Variants in DIP2C observed in about 807,000 individuals in gnomAD.
DIP2C encodes the protein disco-interacting protein 2 homolog C.
Under a neutral mutation model 192.4 loss-of-function variants are expected in DIP2C, and 33 were observed. The observed-to-expected ratio is 0.17, with a 90% CI of 0.13 to 0.23. DIP2C has a LOEUF of 0.23. DIP2C is among the 10% of genes least tolerant of loss of function. The pLI is 1.00. For missense variants in DIP2C, 1,537 were observed against 2,110.1 expected, an observed-to-expected ratio of 0.73 and a Z score of 5.32; for synonymous variants, 979 against 864.1, an observed-to-expected ratio of 1.13 and a Z score of -2.33.
At chr10:582,375 AAC>A (rs747197512) in intron 1 of DIP2C, among the ~76,000 whole-genome samples, 56 of 152,208 alleles carry the variant, frequency 3.7e-4, no homozygotes, top group Admixed American at 7.9e-4. Context: ...CTTAACATAA[AAC>A]AGAGTCACAC....
intron 11 of DIP2C, 75 bp from the exon 12 acceptor site, chr10:390,448 G>T: frequency 7.1e-7 from 1 of 1,400,910 alleles, no homozygotes; most frequent in Non-Finnish European, 1.0e-6. Flanking sequence ...CCATTTATGT[G>T]GTACCCTTTC....
intron 4 of DIP2C, among the ~76,000 whole-genome samples, chr10:434,879 GTTTC>G (rs1356160596): frequency 2.6e-5 from 4 of 152,108 alleles, no homozygotes; most frequent in Non-Finnish European, 4.4e-5. Flanking sequence ...GATTACTCTG[GTTTC>G]TTTGTTGGGG....
chr10:285,131 TGA>T (rs1161264437), intron 34 of DIP2C, among the ~76,000 whole-genome samples: 1 of 88,158 alleles, frequency 1.1e-5, no homozygotes, highest in Non-Finnish European at 2.1e-5. Context: ...TGTATGTGAC[TGA>T]GAGAGGTCAA....
At chr10:572,881 A>G (rs1177849761) in intron 1 of DIP2C, among the ~76,000 whole-genome samples, 1 of 152,080 alleles carries the variant, frequency 6.6e-6, no homozygotes, top group African/African-American at 2.4e-5. Context: ...AGCCGGCGGG[A>G]CTCGCTAAAC....
intron 10 of DIP2C, among the ~76,000 whole-genome samples, chr10:395,115 GGGGGGAGGGAGGAGTT>G (rs1428067141): frequency 8.9e-5 from 5 of 56,024 alleles, no homozygotes; most frequent in East Asian, 5.1e-4. Flanking sequence ...GGGAGGAGTT[GGGGGGAGGGAGGAGTT>G]GGGGGAGGGA....
chr10:425,483 G>C (rs1966529347), intron 4 of DIP2C, among the ~76,000 whole-genome samples: 1 of 137,092 alleles, frequency 7.3e-6, no homozygotes, highest in African/African-American at 2.6e-5. Context: ...ATGTGAAATG[G>C]ATACAGCATG....
intron 1 of DIP2C, among the ~76,000 whole-genome samples, chr10:487,583 T>TTTG (rs1844115578): frequency 4.4e-5 from 6 of 135,860 alleles, no homozygotes; most frequent in African/African-American, 1.7e-4. Flanking sequence ...TTTTTTTTTT[T>TTTG]TTTTTTTTTT....
intron 1 of DIP2C, among the ~76,000 whole-genome samples, chr10:498,229 T>C (rs1423330423): frequency 2.6e-5 from 4 of 152,190 alleles, no homozygotes; most frequent in Non-Finnish European, 5.9e-5. Context: ...CCAGCTGGCT[T>C]CCCCGGCTGC....
intron 22 of DIP2C, among the ~76,000 whole-genome samples, chr10:360,365 TAC>T (rs1959315107): frequency 6.6e-6 from 1 of 152,188 alleles, no homozygotes; most frequent in South Asian, 2.1e-4. Context: ...CCATTTAAGC[TAC>T]AGAGTTGAGA....
At chr10:687,718 C>T (rs760738564) in intron 1 of DIP2C, among the ~76,000 whole-genome samples, 147 of 152,218 alleles carry the variant, frequency 9.7e-4, no homozygotes, top group Non-Finnish European at 1.7e-3. Flanking sequence ...ACTCACCCTC[C>T]AAGAGCAACT....
At chr10:583,166 T>C (rs1850773317) in intron 1 of DIP2C, among the ~76,000 whole-genome samples, 1 of 152,190 alleles carries the variant, frequency 6.6e-6, no homozygotes, top group Non-Finnish European at 1.5e-5. Flanking sequence ...TCACCATAAA[T>C]ACACTCATAG....
At chr10:581,858 T>C (rs1005502400) in intron 1 of DIP2C, among the ~76,000 whole-genome samples, 3 of 152,280 alleles carry the variant, frequency 2.0e-5, no homozygotes, top group Non-Finnish European at 2.9e-5. Context: ...ACTGACATCT[T>C]AGCACATGTT....
At chr10:370,929 A>G (rs773935385) in intron 17 of DIP2C, among the ~76,000 whole-genome samples, 9 of 152,242 alleles carry the variant, frequency 5.9e-5, no homozygotes, top group Non-Finnish European at 1.2e-4. Flanking sequence ...AGACTCTGGA[A>G]AAAGAATTAT....
At chr10:571,513 C>CT in intron 1 of DIP2C, among the ~76,000 whole-genome samples, 1 of 151,522 alleles carries the variant, frequency 6.6e-6, no homozygotes, top group South Asian at 2.1e-4. Context: ...CACTTCCCTT[C>CT]TTTCCTTTCC....
chr10:422,408 G>A (rs115715735), intron 5 of DIP2C, among the ~76,000 whole-genome samples: 5 of 152,000 alleles, frequency 3.3e-5, no homozygotes, highest in East Asian at 1.9e-4. Context: ...GCAGTGTGCC[G>A]GCCCCCAAGA....
chr10:583,735 C>T (rs142588720), intron 1 of DIP2C, among the ~76,000 whole-genome samples: 1 of 152,150 alleles, frequency 6.6e-6, no homozygotes, highest in African/African-American at 2.4e-5. Context: ...TAAAGAACAC[C>T]CGATGCAGAA....
At chr10:331,148 G>A (rs966221933) in intron 29 of DIP2C, among the ~76,000 whole-genome samples, 2 of 152,114 alleles carry the variant, frequency 1.3e-5, no homozygotes, top group African/African-American at 4.8e-5. Context: ...ACAGCACTAT[G>A]ATTAACGAGT....
intron 17 of DIP2C, among the ~76,000 whole-genome samples, chr10:373,278 AAAC>A (rs1433363774): frequency 1.8e-4 from 28 of 152,346 alleles, no homozygotes; most frequent in South Asian, 4.1e-4. Flanking sequence ...TGAACAAGGC[AAAC>A]ATCACAGTCA....
At chr10:280,766 C>A (rs1954779992) in intron 36 of DIP2C, among the ~76,000 whole-genome samples, 1 of 152,262 alleles carries the variant, frequency 6.6e-6, no homozygotes. Context: ...TTGGAAGTCT[C>A]TTCTGGGGTC....
Sources: gnomAD v4.1 joint callset for allele counts (sites outside exome capture counted in the v4.1 genomes callset) on GRCh38, gnomAD v4.1.1 for gene constraint, MANE v1.5 for transcripts, NCBI Gene and HGNC (gene_info 2026-07-23, HGNC 2026-07-21) for gene names.